The following CHRD variants were observed in gnomAD, a reference collection of about 807,000 sequenced individuals.
CHRD encodes the protein chordin.
A neutral mutation model predicts 113.7 loss-of-function variants in CHRD; 69 were observed. The observed-to-expected ratio is 0.61, with a 90% CI of 0.50 to 0.74. The LOEUF (loss-of-function observed/expected upper bound fraction) is 0.74, where lower values mean the gene tolerates loss of function less well. Ranked by LOEUF, CHRD falls within the 30% of genes least tolerant of loss-of-function variation. CHRD has a pLI of 0.00. For synonymous variants in CHRD, 561 were observed against 540.8 expected, an observed-to-expected ratio of 1.04 and a Z score of -0.52; for missense variants, 1,194 against 1,295.8, an observed-to-expected ratio of 0.92 and a Z score of 1.21.
Position 184,387,231 on chromosome 3 carries a change from C to T in CHRD, c.2347+124C>T, listed in dbSNP as rs578165019. On this transcript the variant is annotated intron_variant, in intron 18 of 22. Coordinates refer to ENST00000204604, the Ensembl canonical transcript of CHRD. This position sits in a 1 kb window ranked among gnomAD's most constrained non-coding sequence, Gnocchi z 6.1. The stretch of plus-strand genomic sequence containing the variant: ...TGAGGGGCACAGATTCCAAGTGATG[C>T]CTGACAGGACTCATTAGTGTTACTG... 4.0e-6 allele frequency: 5 copies of T among 1,257,662 alleles called. No individual in the cohort carries two copies. The highest frequency in any genetic ancestry group is 3.0e-5 in the African/African-American group (2 of 67,498). The allele number at this position is 1,257,662 out of a possible 1,614,324, so 77.9% of individuals were successfully genotyped here.
rs371157507 is a variant in CHRD, at chr3:184,386,169, G to T, written c.1932+10G>T. 1.2e-6 allele frequency: 2 copies of T among 1,613,494 alleles called. No homozygotes were observed. The highest frequency in any genetic ancestry group is 1.7e-6 in the Non-Finnish European group (2 of 1,179,550). ...GGAGCTCCGAGGGCAGGTAGGTGGC[G>T]AGTGTGGGCAGTGGGGGCAGTGGGG... On this transcript the variant is annotated intron_variant, in intron 15 of 22. Transcript: ENST00000204604.
At position 184,380,723 on chromosome 3, in the gene CHRD, G is replaced by T; in HGVS notation, c.180G>T (p.Leu60Phe). ...CCTTCGGCGGGAAGGTCTATGCCTT[G>T]GACGAGACGTGGCACCCGGACCTAG... Residue 60 changes from leucine to phenylalanine, a missense_variant, in exon 2 of 23, where the codon TTG becomes TTT. By Grantham distance (22) the Leu-to-Phe change is conservative. Transcript: ENST00000204604. This position sits in a 1 kb window ranked among gnomAD's most constrained non-coding sequence, Gnocchi z 6.3. 1.3e-6 allele frequency: 2 copies of T among 1,598,908 alleles called. No individual in the cohort carries two copies. The highest frequency in any genetic ancestry group is 8.5e-7 in the Non-Finnish European group (1 of 1,176,698).
At chr3:184,386,696 C>T in exon 16 of CHRD, 1 of 1,612,574 alleles carries the variant, frequency 6.2e-7, no homozygotes, top group Non-Finnish European at 8.5e-7. Flanking sequence ...GCAGCAGCGC[C>T]CCCACGGGGC....
chr3:184,382,774 G>C (rs765865447), exon 8 of CHRD: 1 of 1,613,784 alleles, frequency 6.2e-7, no homozygotes, highest in Admixed American at 1.7e-5. Flanking sequence ...CAGGAGTGGG[G>C]GTAAGTGGGA....
Position 184,380,792 on chromosome 3 carries a change from G to A in CHRD, c.249G>A (p.Glu83=). 1 of 1,591,994 alleles carries A rather than the reference G, an allele frequency of 6.3e-7. No individual in the cohort carries two copies. The highest frequency in any genetic ancestry group is 2.3e-5 in the East Asian group (1 of 44,346). The stretch of plus-strand genomic sequence containing the variant: ...TGCGCTGCGTGCTGTGCGCCTGCGA[G>A]GCGGTGAGTGCACCCCGCGGCCGGC... Residue 83 remains glutamate, a synonymous_variant, in exon 2 of 23, where the codon GAG becomes GAA. Coordinates refer to ENST00000204604, the Ensembl canonical transcript of CHRD. This position sits in a 1 kb window ranked among gnomAD's most constrained non-coding sequence, Gnocchi z 6.3.
rs549612778 is a variant in CHRD, at chr3:184,388,949, G to C, written c.2766G>C (p.Ser922=). ...GTTCACTGCCACTGTCCTGTGGCTCGGGGAAGGAGAGTCGATGCTGTTCCC... is the reference window on the plus strand; with the variant it reads ...GTTCACTGCCACTGTCCTGTGGCTCCGGGAAGGAGAGTCGATGCTGTTCCC... The change falls in exon 22 of 23, where the codon TCG becomes TCC. Residue 922 remains serine, a synonymous_variant. Transcript: ENST00000204604. The surrounding 1 kb of genome is among the most constrained non-coding windows in gnomAD (Gnocchi z 6.1). The C allele has an allele frequency of 1.2e-6, 2 of 1,612,722 alleles. No homozygotes were observed. The highest frequency in any genetic ancestry group is 1.1e-5 in the South Asian group (1 of 91,066).
At position 184,388,055 on chromosome 3, in the gene CHRD, T is replaced by C. The variant is rs1191093530; in HGVS notation, c.2554+22T>C. 6.2e-7 allele frequency: 1 copy of C among 1,603,412 alleles called. No homozygotes were observed. The highest frequency in any genetic ancestry group is 1.7e-5 in the Admixed American group (1 of 58,832). On this transcript the variant is annotated intron_variant, in intron 20 of 22. Transcript: ENST00000204604. This position sits in a 1 kb window ranked among gnomAD's most constrained non-coding sequence, Gnocchi z 6.1. The stretch of plus-strand genomic sequence containing the variant: ...CCAGGTGAGAGAGGTGGCTGAGCAC[T>C]GAGGCCTCACCTTTGGGTTGAGGCA...
intron 16 of CHRD, 34 bp from the exon 17 acceptor site, chr3:184,386,811 A>G: frequency 6.2e-7 from 1 of 1,613,878 alleles, no homozygotes; most frequent in South Asian, 1.1e-5. Context: ...AGGGGCCTGG[A>G]CACTCCCGTC....
intron 15 of CHRD, 30 bp from the exon 16 acceptor site, chr3:184,386,462 A>G: frequency 6.5e-7 from 1 of 1,534,034 alleles, no homozygotes; most frequent in South Asian, 1.2e-5. Flanking sequence ...GGGGAGCCCC[A>G]GCGCTGCCTC....
rs1427660754 is a variant in CHRD at position 184,386,359 on chromosome 3, T to C, written c.1933-133T>C. On this transcript the variant is annotated intron_variant, in intron 15 of 22. Transcript: ENST00000204604. Reference sequence around the variant, plus strand: ...CTATCCCTGGCAGCTGAGATGATTGTGGAGCGAATGGCATCCTCCTGGGCC... The same window carrying C: ...CTATCCCTGGCAGCTGAGATGATTGCGGAGCGAATGGCATCCTCCTGGGCC... 6 of 1,338,948 alleles carry C rather than the reference T, an allele frequency of 4.5e-6. No homozygotes were observed. The African/African-American group carries it at 8.9e-5, about 20-fold the overall frequency. The allele number at this position is 1,338,948 out of a possible 1,614,324, so 82.9% of individuals were successfully genotyped here. A position where few individuals can be genotyped will look rare whatever the true frequency, so the allele number is the denominator to read the frequency against.
intron 22 of CHRD, among the ~76,000 whole-genome samples, 181 bp from the exon 23 acceptor site, chr3:184,389,186 T>G (rs1470480726): frequency 1.3e-5 from 2 of 152,186 alleles, no homozygotes; most frequent in African/African-American, 4.8e-5. Flanking sequence ...AAATGAGATT[T>G]CTGAAGCTCA....
chr3:184,387,311 C>G lies in CHRD; in HGVS notation c.2348-63C>G. The G allele has an allele frequency of 7.8e-6, 12 of 1,542,506 alleles. No homozygotes were observed. The highest frequency in any genetic ancestry group is 1.1e-5 in the Non-Finnish European group (12 of 1,139,358). The stretch of plus-strand genomic sequence containing the variant: ...GTGTGGGGGTGGCCTGAGGCTCAAG[C>G]CTTGGTTGTGGGCCCAGCTGATGAG... On this transcript the variant is annotated intron_variant, in intron 18 of 22. Transcript: ENST00000204604. This position sits in a 1 kb window ranked among gnomAD's most constrained non-coding sequence, Gnocchi z 6.1.
At chr3:184,389,471 G>C (rs773857571) in exon 23 of CHRD, 3 of 1,569,654 alleles carry the variant, frequency 1.9e-6, no homozygotes, top group Non-Finnish European at 2.6e-6. Flanking sequence ...CTGAGCTGGG[G>C]AAGGGGTGGC....
Position 184,383,641 on chromosome 3 carries a change from C to T in CHRD, c.1439C>T (p.Thr480Met), listed in dbSNP as rs148110430. The T allele has an allele frequency of 2.2e-3, 3,574 of 1,605,214 alleles. 42 individuals are homozygous for T. Among genetic ancestry groups the T allele is most frequent in the South Asian group, 0.018 (1,634 of 89,934 alleles). The change falls in exon 12 of 23, where the codon ACG becomes ATG. Residue 480 changes from threonine to methionine, a missense_variant and splice_region_variant. Coordinates refer to ENST00000204604, the Ensembl canonical transcript of CHRD. ...GCTGGACTCCAGCCAGGAGGACACACGGTGAGGGCTCCAGGTGGAGCTGGA... is the reference window on the plus strand; with the variant it reads ...GCTGGACTCCAGCCAGGAGGACACATGGTGAGGGCTCCAGGTGGAGCTGGA...
chr3:184,388,168 T>C lies in CHRD; in HGVS notation c.2554+135T>C, dbSNP rs1367295558. On this transcript the variant is annotated intron_variant, in intron 20 of 22. Coordinates refer to ENST00000204604, the Ensembl canonical transcript of CHRD. The surrounding 1 kb of genome is among the most constrained non-coding windows in gnomAD (Gnocchi z 6.1). ...TGTGCCTAGCCTGGAGCCAGGACTCTAAATGCAGTGGAAAGAATGTGATAT... is the reference window on the plus strand; with the variant it reads ...TGTGCCTAGCCTGGAGCCAGGACTCCAAATGCAGTGGAAAGAATGTGATAT... The C allele has an allele frequency of 6.6e-6, 5 of 758,180 alleles. No individual in the cohort carries two copies. Among genetic ancestry groups the C allele is most frequent in the Non-Finnish European group, 1.1e-5 (5 of 448,158 alleles). 47.0% of individuals were successfully genotyped at this position (758,180 alleles called of 1,614,324 possible).
At position 184,387,377 on chromosome 3, in the gene CHRD, G is replaced by T. The variant is rs2108659727; in HGVS notation, c.2351G>T (p.Cys784Phe). ...GCTGGGCCCTGTTCCCCACCAGGCT[G>T]CTATTTTGATGGTGACCGGAGCTGG... is the stretch of plus-strand genomic sequence containing the variant. The change falls in exon 19 of 23, where the codon TGC (cysteine) becomes TTC (phenylalanine). Residue 784 changes from cysteine to phenylalanine, a missense_variant. Transcript: ENST00000204604. The surrounding 1 kb of genome is among the most constrained non-coding windows in gnomAD (Gnocchi z 6.1). 2 of 1,609,558 alleles carry T rather than the reference G, an allele frequency of 1.2e-6. No homozygotes were observed. The highest frequency in any genetic ancestry group is 1.7e-6 in the Non-Finnish European group (2 of 1,178,080).
Position 184,381,516 on chromosome 3 carries a change from C to T in CHRD, c.403C>T (p.Gln135Ter). 1.3e-6 allele frequency: 2 copies of T among 1,599,614 alleles called. No individual in the cohort carries two copies. Among genetic ancestry groups the T allele is most frequent in the East Asian group, 2.2e-5 (1 of 44,692 alleles). ...CGCAGAGCGCAGCAGTTCGGAGCGG[C>T]AGCCGAGCGGCCTGTCCTTCGAGTA... Residue 135 changes from glutamine (Q) to a stop codon, truncating the protein, a stop_gained, in exon 4 of 23, where the codon CAG (glutamine) becomes TAG (stop). Coordinates refer to ENST00000204604, the Ensembl canonical transcript of CHRD. LOFTEE classifies it high-confidence loss of function. This position sits in a 1 kb window ranked among gnomAD's most constrained non-coding sequence, Gnocchi z 4.7.
chr3:184,387,137 A>C lies in CHRD; in HGVS notation c.2347+30A>C, dbSNP rs201217692. Reference sequence around the variant, plus strand: ...GCTGGAAGGGTGCGTGCAGGGTGGGAGGCCCCAGAGGAGCCATTAGGTTGA... The same window carrying C: ...GCTGGAAGGGTGCGTGCAGGGTGGGCGGCCCCAGAGGAGCCATTAGGTTGA... On this transcript the variant is annotated intron_variant, in intron 18 of 22. Transcript: ENST00000204604. This position sits in a 1 kb window ranked among gnomAD's most constrained non-coding sequence, Gnocchi z 6.1. 3.7e-6 allele frequency: 6 copies of C among 1,601,332 alleles called. No individual in the cohort carries two copies. The highest frequency in any genetic ancestry group is 5.1e-6 in the Non-Finnish European group (6 of 1,168,646).
chr3:184,383,559 A>G (rs764678749), exon 12 of CHRD: 35 of 1,613,984 alleles, frequency 2.2e-5, no homozygotes, highest in Non-Finnish European at 2.8e-5. Flanking sequence ...GGTGGTGGCC[A>G]TGACACTGGA....
Sources: gnomAD v4.1 joint callset for allele counts (sites outside exome capture counted in the v4.1 genomes callset) on GRCh38, gnomAD v4.1.1 for gene constraint, Gnocchi (gnomAD v3.1) non-coding constraint, MANE v1.5 for transcripts, NCBI Gene and HGNC (gene_info 2026-07-23, HGNC 2026-07-21) for gene names.